Variants in HIVEP3 observed in about 807,000 individuals in gnomAD.
HIVEP3 encodes the protein HIVEP zinc finger 3.
HIVEP3 carries 49 observed loss-of-function variants against 152.8 expected under a neutral mutation model. The ratio of observed to expected loss-of-function variants is 0.32; its 90% confidence interval spans 0.26 to 0.41. The LOEUF (loss-of-function observed/expected upper bound fraction) is 0.41, where lower values mean the gene tolerates loss of function less well. Ranked by LOEUF, HIVEP3 falls within the 10% of genes least tolerant of loss-of-function variation. The pLI is 1.00. For missense variants in HIVEP3, 2,790 were observed against 3,103.3 expected (o/e 0.90, Z 2.40); for synonymous variants, 1,269 against 1,289.0 (o/e 0.98, Z 0.33).
chr1:41,598,317 G>A lies in HIVEP3; in HGVS notation c.-521-12999C>T, dbSNP rs146186228. On this transcript the variant is annotated intron_variant, in intron 3 of 8. Coordinates refer to ENST00000372583, the MANE Select transcript of HIVEP3 (RefSeq NM_024503.5). ...GCATTTTGTTTCTATACACGTGACT[G>A]TGGCACAAAAGGCACACCTACCTAC... is the stretch of plus-strand genomic sequence containing the variant. Among the ~76,000 whole-genome samples the A allele has an allele frequency of 1.7e-3, 263 of 152,324 alleles. 3 individuals carry two copies. In the Middle Eastern group the frequency reaches 0.024, roughly 14 times the overall value.
chr1:41,542,262 T>C (rs1054882030), intron 5 of HIVEP3: 1 of 152,260 alleles, frequency 6.6e-6, no homozygotes, highest in African/African-American at 2.4e-5. Flanking sequence ...GAAGTCACGA[T>C]GGAGTCTCTC....
chr1:42,008,818 T>C (rs1422999801), intron 1 of HIVEP3, among the ~76,000 whole-genome samples: 1 of 152,236 alleles, frequency 6.6e-6, no homozygotes, highest in Non-Finnish European at 1.5e-5. Flanking sequence ...ACAGGTATTC[T>C]CCTTGTCCGT....
At chr1:41,783,195 C>A (rs1649152190) in intron 1 of HIVEP3, among the ~76,000 whole-genome samples, 1 of 152,052 alleles carries the variant, frequency 6.6e-6, no homozygotes, top group East Asian at 1.9e-4. Context: ...CATGGTAAGC[C>A]CTTGGCAGAA....
chr1:41,905,269 G>A (rs1277155368), intron 1 of HIVEP3, among the ~76,000 whole-genome samples: 2 of 152,150 alleles, frequency 1.3e-5, no homozygotes, highest in African/African-American at 4.8e-5. Flanking sequence ...GCAGGAGGGG[G>A]CAGCCAGCAT....
intron 3 of HIVEP3, among the ~76,000 whole-genome samples, chr1:41,605,387 A>G (rs1189098931): frequency 1.3e-5 from 2 of 151,704 alleles, no homozygotes; most frequent in African/African-American, 2.4e-5. Context: ...ACACACACAC[A>G]CACACACACA....
intron 1 of HIVEP3, among the ~76,000 whole-genome samples, chr1:41,813,271 A>G (rs1431687950): frequency 6.6e-6 from 1 of 152,040 alleles, no homozygotes; most frequent in Non-Finnish European, 1.5e-5. Flanking sequence ...CCATCACCCT[A>G]TCTAGTCCTC....
intron 1 of HIVEP3, among the ~76,000 whole-genome samples, chr1:41,725,726 T>G (rs909374376): frequency 1.3e-5 from 2 of 152,310 alleles, no homozygotes; most frequent in Admixed American, 6.5e-5. Context: ...ATCTCCAGGA[T>G]AGGCTCAACA....
chr1:41,600,972 T>C (rs12728929), intron 3 of HIVEP3, among the ~76,000 whole-genome samples: 8,295 of 152,254 alleles, frequency 0.054, 280 homozygotes, highest in East Asian at 0.099. Context: ...TTCTTTTGCA[T>C]ATGAATATCC....
chr1:41,945,356 T>C (rs532919557), intron 1 of HIVEP3, among the ~76,000 whole-genome samples: 78 of 152,328 alleles, frequency 5.1e-4, no homozygotes, highest in African/African-American at 1.5e-3. Context: ...TGTACCTTTT[T>C]CTCTCTCAGA....
chr1:41,761,383 T>C (rs1346388080), intron 1 of HIVEP3, among the ~76,000 whole-genome samples: 6 of 152,182 alleles, frequency 3.9e-5, no homozygotes, highest in African/African-American at 1.4e-4. Context: ...TGTGCATGTG[T>C]GAGTGCATAG....
At chr1:41,834,742 C>A (rs1003541497) in intron 1 of HIVEP3, among the ~76,000 whole-genome samples, 3 of 151,980 alleles carry the variant, frequency 2.0e-5, no homozygotes, top group Non-Finnish European at 2.9e-5. Flanking sequence ...AAGAGACAGA[C>A]AAACAAAGAC....
rs10584086 is a variant in HIVEP3 at position 41,506,591 on chromosome 1, GTTTT to G, written c.*3856_*3859del. ...GTGCTTTAGACCTGCGTGGATTTTT[GTTTT>G]TTTTTTTTGTTTGTTTCTGTTTTGT... On this transcript the variant is annotated 3_prime_UTR_variant, in exon 9 of 9. Coordinates refer to ENST00000372583, the MANE Select transcript of HIVEP3 (RefSeq NM_024503.5). The G allele has an allele frequency of 8.1e-5, 5 of 62,002 alleles. No homozygotes were observed. In the South Asian group the frequency reaches 2.4e-3, roughly 30 times the overall value. 3.8% of individuals were successfully genotyped at this position (62,002 alleles called of 1,614,324 possible).
intron 1 of HIVEP3, among the ~76,000 whole-genome samples, chr1:41,827,838 G>A (rs1188050348): frequency 2.6e-5 from 4 of 152,002 alleles, no homozygotes; most frequent in African/African-American, 9.7e-5. Flanking sequence ...CAGGCTTCTT[G>A]GGAAAAGGAT....
chr1:41,675,141 C>T (rs1363159919), intron 2 of HIVEP3, among the ~76,000 whole-genome samples: 1 of 152,168 alleles, frequency 6.6e-6, no homozygotes, highest in African/African-American at 2.4e-5. Context: ...CCATGCCTGT[C>T]CTGCTTAAAT....
chr1:42,016,274 A>G (rs919913695), intron 1 of HIVEP3, among the ~76,000 whole-genome samples: 2 of 152,186 alleles, frequency 1.3e-5, no homozygotes, highest in Non-Finnish European at 1.5e-5. Context: ...AACGAAATGC[A>G]GGGTGCATAT....
chr1:41,624,087 C>T (rs1436854879), intron 3 of HIVEP3, among the ~76,000 whole-genome samples: 1 of 152,166 alleles, frequency 6.6e-6, no homozygotes, highest in Non-Finnish European at 1.5e-5. Context: ...ACATGGCCTC[C>T]CTGGGTTGCG....
rs759337540 is a variant in HIVEP3 at position 41,512,909 on chromosome 1, T to C, written c.6312A>G (p.Pro2104=). Residue 2104 remains proline (P), a synonymous_variant, in exon 8 of 9, where the codon CCA becomes CCG. Transcript: ENST00000372583. ...GAACCCGTGGGTCCAGCCCCAAGCC[T>C]GGGCCATGCTCCCCCGCTGAGGGGC... The part of the protein sequence containing the change: ...PGSPSAGEHG[P]GLGLDPRVLF... 211 of 1,586,208 alleles carry C rather than the reference T, an allele frequency of 1.3e-4. No homozygotes were observed. Among genetic ancestry groups the C allele is most frequent in the Middle Eastern group, 3.5e-4 (2 of 5,748 alleles).
intron 2 of HIVEP3, among the ~76,000 whole-genome samples, chr1:41,657,222 C>A (rs1328728031): frequency 1.3e-5 from 2 of 152,214 alleles, no homozygotes; most frequent in African/African-American, 4.8e-5. Context: ...CCCAATTGAC[C>A]CACACGGTGG....
At chr1:41,516,928 C>T (rs1642624469) in intron 7 of HIVEP3, among the ~76,000 whole-genome samples, 2 of 152,258 alleles carry the variant, frequency 1.3e-5, no homozygotes, top group Non-Finnish European at 2.9e-5. Context: ...CAGGCAGGGC[C>T]CCTGCTCTAC....
Sources: allele counts gnomAD v4.1 joint callset (sites outside exome capture counted in the v4.1 genomes callset), GRCh38; gene constraint gnomAD v4.1.1; transcripts MANE v1.5; gene names NCBI Gene and HGNC (gene_info 2026-07-23, HGNC 2026-07-21).